The following DOCK2 variants were observed in gnomAD, a reference collection of about 807,000 sequenced individuals.
DOCK2 encodes the protein dedicator of cytokinesis 2.
A neutral mutation model predicts 248.9 loss-of-function variants in DOCK2; 87 were observed. The observed-to-expected ratio is 0.35, with a 90% CI of 0.29 to 0.42. The LOEUF (loss-of-function observed/expected upper bound fraction) is 0.42. Ranked by LOEUF, DOCK2 falls within the 10% of genes least tolerant of loss-of-function variation. DOCK2 has a pLI of 1.00. For synonymous variants in DOCK2, 805 were observed against 821.6 expected, an observed-to-expected ratio of 0.98 and a Z score of 0.35; for missense variants, 1,747 against 2,300.2, an observed-to-expected ratio of 0.76 and a Z score of 4.92.
chr5:170,008,507 A>C lies in DOCK2; in HGVS notation c.3083A>C (p.Asn1028Thr). ...CTCTTTCATTTACAGCTGTGGAACA[A>C]CTATTTTCATCTGGCAGTGGCTTTT... ...HTNFEFQLWN[N>T]YFHLAVAFIT... The change falls in exon 31 of 52, where the codon AAC becomes ACC. Residue 1028 changes from asparagine (N) to threonine (T), a missense_variant. By Grantham distance (65) the Asn-to-Thr change is moderately conservative. Around this residue, in one of 4 missense-constraint regions of DOCK2, gnomAD observed 858 missense variants for 1,183.5 expected, o/e 0.72. Coordinates refer to ENST00000520908, the MANE Select transcript of DOCK2 (RefSeq NM_004946.3). The C allele has an allele frequency of 6.2e-7, 1 of 1,614,098 alleles. No homozygotes were observed. Among genetic ancestry groups the C allele is most frequent in the Non-Finnish European group, 8.5e-7 (1 of 1,179,944 alleles).
chr5:170,051,690 C>T (rs1387326967), intron 41 of DOCK2, among the ~76,000 whole-genome samples: 1 of 152,188 alleles, frequency 6.6e-6, no homozygotes, highest in Non-Finnish European at 1.5e-5. Flanking sequence ...AGGGAAGATG[C>T]TTGCCCTGGC....
chr5:170,055,664 T>C (rs1249371266), intron 42 of DOCK2, among the ~76,000 whole-genome samples: 1 of 152,246 alleles, frequency 6.6e-6, no homozygotes, highest in Admixed American at 6.5e-5. Flanking sequence ...GCAGTCAGCC[T>C]ATTTGTTGCT....
chr5:169,693,066 G>A (rs1192459442), intron 9 of DOCK2, among the ~76,000 whole-genome samples: 3 of 152,094 alleles, frequency 2.0e-5, no homozygotes, highest in Non-Finnish European at 4.4e-5. Flanking sequence ...AAGCTTTCAG[G>A]TACCAGGGCC....
At chr5:169,905,948 T>A (rs1197056790) in intron 27 of DOCK2, among the ~76,000 whole-genome samples, 1 of 152,212 alleles carries the variant, frequency 6.6e-6, no homozygotes, top group Non-Finnish European at 1.5e-5. Flanking sequence ...AAAATGTCTG[T>A]TGCCTTCGTT....
At chr5:169,674,574 C>G (rs1759226266) in intron 6 of DOCK2, 129 bp downstream of exon 6, 21 of 1,403,714 alleles carry the variant, frequency 1.5e-5, no homozygotes, top group Non-Finnish European at 1.9e-5. Flanking sequence ...AAGGTTGTGA[C>G]CAATGGCTGT....
At chr5:169,996,336 G>A (rs922572331) in intron 30 of DOCK2, among the ~76,000 whole-genome samples, 172 bp downstream of exon 30, 1 of 152,170 alleles carries the variant, frequency 6.6e-6, no homozygotes, top group African/African-American at 2.4e-5. Context: ...TTCAACCAGG[G>A]CCTTGATTAA....
intron 27 of DOCK2, chr5:169,883,133 T>A: frequency 1.3e-6 from 2 of 1,551,478 alleles, no homozygotes; most frequent in Non-Finnish European, 8.7e-7. Context: ...AAGCAGGAGG[T>A]GGATTTTTCT....
chr5:169,644,429 G>A (rs189890481), intron 1 of DOCK2, among the ~76,000 whole-genome samples: 7 of 152,182 alleles, frequency 4.6e-5, no homozygotes, highest in Admixed American at 1.3e-4. Context: ...TCAAGCAAAT[G>A]GGGTTTTCCT....
chr5:170,004,470 C>T (rs7731236), intron 30 of DOCK2, among the ~76,000 whole-genome samples: 48,832 of 151,998 alleles, frequency 0.32, 7,875 homozygotes, highest in Middle Eastern at 0.41. Context: ...GCATAAATGT[C>T]TTCTTTTGAG....
At position 170,074,731 on chromosome 5, in the gene DOCK2, G is replaced by A. The variant is rs1241520699; in HGVS notation, c.4729-1216G>A. The stretch of plus-strand genomic sequence containing the variant: ...AGAGCTCCTTGTTCTAATTGTTCTA[G>A]AGGATAAACTCCTCCTTCTTGGGAA... On this transcript the variant is annotated intron_variant, in intron 46 of 51. Transcript: ENST00000520908. 3.3e-5 allele frequency among the ~76,000 whole-genome samples: 5 copies of A among 152,184 alleles called. No individual in the cohort carries two copies. In the South Asian group the frequency reaches 6.2e-4, roughly 19 times the overall value.
intron 27 of DOCK2, among the ~76,000 whole-genome samples, chr5:169,855,543 G>A (rs1770842891): frequency 6.6e-6 from 1 of 152,176 alleles, no homozygotes; most frequent in African/African-American, 2.4e-5. Flanking sequence ...TGCAACTAGA[G>A]ATATAAAAAC....
intron 44 of DOCK2, 70 bp downstream of exon 44, chr5:170,057,736 C>T (rs1211272266): frequency 8.1e-6 from 11 of 1,354,468 alleles, no homozygotes; most frequent in East Asian, 2.4e-5. Flanking sequence ...TCTCCAAAGG[C>T]CCCTTTGACT....
intron 14 of DOCK2, among the ~76,000 whole-genome samples, chr5:169,705,691 G>A (rs1196265550): frequency 1.3e-5 from 2 of 152,160 alleles, no homozygotes; most frequent in Non-Finnish European, 2.9e-5. Context: ...CATGCTAATC[G>A]ACATCCCATG....
chr5:169,751,136 C>G (rs1218942108), intron 23 of DOCK2, among the ~76,000 whole-genome samples: 1 of 149,152 alleles, frequency 6.7e-6, no homozygotes, highest in South Asian at 2.2e-4. Context: ...TGGTTTAAAT[C>G]ATTTTTTAAT....
At chr5:169,905,071 G>A (rs910023171) in intron 27 of DOCK2, among the ~76,000 whole-genome samples, 17 of 152,208 alleles carry the variant, frequency 1.1e-4, no homozygotes, top group Non-Finnish European at 1.9e-4. Flanking sequence ...AGGATTCAGG[G>A]AGGCCGTGCA....
intron 38 of DOCK2, among the ~76,000 whole-genome samples, chr5:170,044,238 T>C (rs1162517383): frequency 6.6e-6 from 1 of 152,248 alleles, no homozygotes; most frequent in East Asian, 1.9e-4. Context: ...CATCTATTGA[T>C]GTATATCCTT....
At chr5:170,064,978 C>T (rs1335370038) in intron 44 of DOCK2, among the ~76,000 whole-genome samples, 4 of 151,138 alleles carry the variant, frequency 2.6e-5, no homozygotes, top group African/African-American at 9.7e-5. Flanking sequence ...CATGCTAATA[C>T]TTTAATGATG....
rs189019155 is a variant in DOCK2, at chr5:169,880,433, G to A, written c.2799+39581G>A. On this transcript the variant is annotated intron_variant, in intron 27 of 51. Transcript: ENST00000520908. ...AGGCTCCAGTTTGCTCAGGCCCTAA[G>A]CTGCCAGTTTTCAACAAAAAGAGAA... is the stretch of plus-strand genomic sequence containing the variant. 7.2e-3 allele frequency among the ~76,000 whole-genome samples: 1,097 copies of A among 152,310 alleles called. 13 individuals are homozygous for A. Among genetic ancestry groups the A allele is most frequent in the South Asian group, 0.053 (256 of 4,828 alleles).
chr5:169,711,976 A>G lies in DOCK2; in HGVS notation c.1524A>G (p.Arg508=), dbSNP rs1484161236. 1 of 1,614,136 alleles carries G rather than the reference A, an allele frequency of 6.2e-7. No individual in the cohort carries two copies. ...PIEDMQRIHL[R]FMFRHRSSLE... is the part of the protein sequence containing the mutation. ...AAGACATGCAGAGGATCCATCTGCG[A>G]TTCATGTTTCGACATCGGTCATCTC... The change falls in exon 16 of 52, where the codon CGA becomes CGG. Residue 508 remains arginine (R), a synonymous_variant. Transcript: ENST00000520908.
Sources: gnomAD v4.1 joint callset for allele counts (sites outside exome capture counted in the v4.1 genomes callset) on GRCh38, gnomAD v4.1.1 for gene constraint, gnomAD v4.1.1 regional missense constraint, MANE v1.5 for transcripts, NCBI Gene and HGNC (gene_info 2026-07-23, HGNC 2026-07-21) for gene names.